Variants in DNAH9 observed in about 807,000 individuals in gnomAD.
DNAH9 encodes the protein DNAH9 variant protein.
Under a neutral mutation model 471.6 loss-of-function variants are expected in DNAH9, and 345 were observed. That is an observed-to-expected ratio of 0.73 (90% CI 0.67 to 0.80). DNAH9 has a LOEUF of 0.80. Among genes scored for constraint, DNAH9 ranks in the 30% least tolerant of loss-of-function variants. DNAH9 has a pLI of 0.00. For missense variants in DNAH9, 5,407 were observed against 5,609.2 expected (o/e 0.96, Z 1.15); for synonymous variants, 2,093 against 2,123.6 (o/e 0.99, Z 0.40).
rs144116480 is a variant in DNAH9, at chr17:11,758,242, C to T, written c.6995+550C>T. On this transcript the variant is annotated intron_variant, in intron 35 of 68. Transcript: ENST00000262442. ...GGTTTGTAAAAGTAAGAGCAACAAG[C>T]CCTGACCACTTATCACTAAGCAAGA... is the stretch of plus-strand genomic sequence containing the variant. Among the ~76,000 whole-genome samples the T allele has an allele frequency of 1.7e-3, 260 of 152,302 alleles. 7 individuals are homozygous for T. The East Asian group carries it at 0.042, about 24-fold the overall frequency.
chr17:11,818,798 A>G (rs916391098), intron 45 of DNAH9, among the ~76,000 whole-genome samples: 2 of 151,810 alleles, frequency 1.3e-5, no homozygotes, highest in Middle Eastern at 3.2e-3. Context: ...TACCTCCCTC[A>G]GTCTCATCTT....
chr17:11,798,703 C>G (rs937462245), intron 43 of DNAH9, among the ~76,000 whole-genome samples: 1 of 152,084 alleles, frequency 6.6e-6, no homozygotes, highest in Admixed American at 6.6e-5. Flanking sequence ...TACTCACGGT[C>G]TTAGCAACAA....
Position 11,783,703 on chromosome 17 carries a change from TATGAACCCCACGGCAGGCAGCTTCACC to T in DNAH9, c.7779_7805del (p.Met2593_Thr2601del). On this transcript the variant is annotated inframe_deletion, in exon 40 of 69. Coordinates refer to ENST00000262442, the MANE Select transcript of DNAH9 (RefSeq NM_001372.4). ...TCACAAATGTACAGTATGTTTCCTG[TATGAACCCCACGGCAGGCAGCTTCACC>T]ATCAACCCCCGGCTTCAGGTACAGG... 1 of 1,614,138 alleles carries T rather than the reference TATGAACCCCACGGCAGGCAGCTTCACC, an allele frequency of 6.2e-7. No homozygotes were observed. The highest frequency in any genetic ancestry group is 8.5e-7 in the Non-Finnish European group (1 of 1,180,026).
chr17:11,909,087 T>C (rs759229876), intron 61 of DNAH9, among the ~76,000 whole-genome samples: 16 of 152,218 alleles, frequency 1.1e-4, no homozygotes, highest in South Asian at 2.1e-4. Context: ...AACTCAAACA[T>C]TTAATCATTT....
chr17:11,687,798 G>A (rs532363165), intron 19 of DNAH9, among the ~76,000 whole-genome samples: 1 of 152,156 alleles, frequency 6.6e-6, no homozygotes, highest in African/African-American at 2.4e-5. Flanking sequence ...GAGAAAATGA[G>A]AGGGTCCTTG....
At chr17:11,889,658 A>G (rs902521838) in intron 57 of DNAH9, among the ~76,000 whole-genome samples, 6 of 152,234 alleles carry the variant, frequency 3.9e-5, no homozygotes, top group Non-Finnish European at 7.3e-5. Context: ...CATCCATCCA[A>G]CAAATATTTT....
chr17:11,727,137 C>T (rs948323423), intron 27 of DNAH9, among the ~76,000 whole-genome samples: 9 of 148,816 alleles, frequency 6.0e-5, no homozygotes, highest in Admixed American at 1.3e-4. Flanking sequence ...ATTTTAATGA[C>T]GTCTCCTTGC....
At position 11,919,078 on chromosome 17, in the gene DNAH9, A is replaced by G. The variant is rs187216177; in HGVS notation, c.11750-4736A>G. Among the ~76,000 whole-genome samples the G allele has an allele frequency of 2.2e-3, 331 of 152,306 alleles. 1 individual carries two copies. Among genetic ancestry groups the G allele is most frequent in the Middle Eastern group, 6.8e-3 (2 of 294 alleles). ...GTGACAGGCAGGAAGGGAGGAGGAC[A>G]TCTTTTTCATTGACAGGGCAGTGTA... On this transcript the variant is annotated intron_variant, in intron 61 of 68. Coordinates refer to ENST00000262442, the MANE Select transcript of DNAH9 (RefSeq NM_001372.4).
chr17:11,804,731 G>A lies in DNAH9; in HGVS notation c.8421-3001G>A, dbSNP rs189868066. ...CTACTAAAAAAACAAAAAATTAGCC[G>A]AGCGTGGTGGCAGGCACCTGTAGTC... On this transcript the variant is annotated intron_variant, in intron 43 of 68. Transcript: ENST00000262442. Among the ~76,000 whole-genome samples, 1,363 of 152,108 alleles carry A rather than the reference G, an allele frequency of 9.0e-3. 20 individuals carry two copies. Among genetic ancestry groups the A allele is most frequent in the African/African-American group, 0.031 (1,300 of 41,498 alleles).
intron 48 of DNAH9, among the ~76,000 whole-genome samples, chr17:11,828,569 C>T (rs1410371833): frequency 6.6e-6 from 1 of 152,098 alleles, no homozygotes; most frequent in Non-Finnish European, 1.5e-5. Context: ...GTTTCCCAGA[C>T]TGTATGCTGG....
intron 17 of DNAH9, among the ~76,000 whole-genome samples, chr17:11,673,538 A>G (rs1311490956): frequency 6.6e-6 from 1 of 152,116 alleles, no homozygotes; most frequent in Non-Finnish European, 1.5e-5. Context: ...CCTTCCAGCT[A>G]CAACACAATT....
intron 9 of DNAH9, among the ~76,000 whole-genome samples, chr17:11,638,719 A>G (rs1011096736): frequency 1.3e-5 from 2 of 152,128 alleles, no homozygotes; most frequent in African/African-American, 4.8e-5. Flanking sequence ...GGAGTCCAGC[A>G]TGGTGCATCT....
chr17:11,643,969 C>G (rs943365753), intron 10 of DNAH9, among the ~76,000 whole-genome samples: 1 of 152,198 alleles, frequency 6.6e-6, no homozygotes, highest in Non-Finnish European at 1.5e-5. Flanking sequence ...GTGTAGGACA[C>G]TTACCATGAA....
At position 11,810,341 on chromosome 17, in the gene DNAH9, T is replaced by G; in HGVS notation, c.8679T>G (p.Leu2893=). The G allele has an allele frequency of 1.2e-6, 2 of 1,613,368 alleles. No individual in the cohort carries two copies. The highest frequency in any genetic ancestry group is 2.2e-5 in the South Asian group (2 of 90,836). ...CCCAAGTGGCTGATGAGAGGTTCCT[T>G]GTGCTCATCAATGATCTTTTGGCAT... ...TDAQVADERF[L]VLINDLLASG... is the part of the protein sequence containing the mutation. The change falls in exon 45 of 69, where the codon CTT becomes CTG. Residue 2893 remains leucine, a synonymous_variant. Transcript: ENST00000262442.
rs993138200 is a variant in DNAH9, at chr17:11,626,933, G to A, written c.1351-2484G>A. The stretch of plus-strand genomic sequence containing the variant: ...TGTTCAGGGTCAGGGACTCTTCCAG[G>A]CACTGGAAATACCGAGATACCTTTG... On this transcript the variant is annotated intron_variant, in intron 6 of 68. Transcript: ENST00000262442. The surrounding 1 kb of genome is among the most constrained non-coding windows in gnomAD (Gnocchi z 4.3). Among the ~76,000 whole-genome samples the A allele has an allele frequency of 6.6e-6, 1 of 152,026 alleles. No individual in the cohort carries two copies. Among genetic ancestry groups the A allele is most frequent in the African/African-American group, 2.4e-5 (1 of 41,380 alleles).
At chr17:11,620,024 A>C in intron 6 of DNAH9, 2 of 496,858 alleles carry the variant, frequency 4.0e-6, no homozygotes, top group African/African-American at 1.9e-5. Context: ...CAGCCGGGCC[A>C]ACATGGCAAA....
rs1451400889 is a variant in DNAH9, at chr17:11,691,970, AT to A, written c.4614+1539del. 3.9e-5 allele frequency among the ~76,000 whole-genome samples: 6 copies of A among 151,910 alleles called. No individual in the cohort carries two copies. In the East Asian group the frequency reaches 9.7e-4, roughly 25 times the overall value. ...AGATGAGTGCCACCACGCCCAGCTA[AT>A]TTTTGTATTTTTAGTAGAGACGAGG... On this transcript the variant is annotated intron_variant, in intron 20 of 68. Coordinates refer to ENST00000262442, the MANE Select transcript of DNAH9 (RefSeq NM_001372.4).
chr17:11,656,257 A>G (rs867431227), intron 14 of DNAH9, among the ~76,000 whole-genome samples: 16 of 152,098 alleles, frequency 1.1e-4, no homozygotes, highest in African/African-American at 3.6e-4. Context: ...ATGGCCATTC[A>G]TGCAGGAGTG....
At chr17:11,694,865 C>CT (rs1567726032) in intron 22 of DNAH9, among the ~76,000 whole-genome samples, 4 of 314 alleles carry the variant, frequency 0.013, 2 homozygotes, top group South Asian at 0.2. Flanking sequence ...TCCTTCCTTC[C>CT]TTCCTTCTTT....
Sources: gnomAD v4.1 joint callset for allele counts (sites outside exome capture counted in the v4.1 genomes callset) on GRCh38, gnomAD v4.1.1 for gene constraint, Gnocchi (gnomAD v3.1) non-coding constraint, MANE v1.5 for transcripts, NCBI Gene and HGNC (gene_info 2026-07-23, HGNC 2026-07-21) for gene names.